Variants in PTPRD observed in about 807,000 individuals in gnomAD.
PTPRD encodes the protein receptor-type tyrosine-protein phosphatase delta.
PTPRD carries 34 observed loss-of-function variants against 214.5 expected under a neutral mutation model. The ratio of observed to expected loss-of-function variants is 0.16; its 90% CI spans 0.12 to 0.21. The LOEUF (loss-of-function observed/expected upper bound fraction) is 0.21, where lower values mean the gene tolerates loss of function less well. Ranked by LOEUF, PTPRD falls within the 10% of genes least tolerant of loss-of-function variation. PTPRD has a pLI of 1.00. For missense variants in PTPRD, 2,545 were observed against 2,398.7 expected (o/e 1.06, Z -1.27); for synonymous variants, 1,128 against 845.7 (o/e 1.33, Z -5.79).
chr9:9,209,882 C>T (rs1195916673), intron 9 of PTPRD, among the ~76,000 whole-genome samples: 1 of 152,070 alleles, frequency 6.6e-6, no homozygotes, highest in African/African-American at 2.4e-5. Flanking sequence ...ATACAAAGGA[C>T]TTTATTACTC....
At chr9:10,549,952 T>C (rs1192257141) in intron 2 of PTPRD, among the ~76,000 whole-genome samples, 1 of 152,198 alleles carries the variant, frequency 6.6e-6, no homozygotes, top group Admixed American at 6.5e-5. Flanking sequence ...TCCTCATCTT[T>C]CCTTTAAGCA....
intron 12 of PTPRD, among the ~76,000 whole-genome samples, chr9:8,714,792 C>T (rs1207191130): frequency 6.6e-6 from 1 of 152,204 alleles, no homozygotes; most frequent in African/African-American, 2.4e-5. Context: ...TCCTGATTTC[C>T]CTTACTCTGG....
At position 8,996,665 on chromosome 9, in the gene PTPRD, C is replaced by A. The variant is rs369445054; in HGVS notation, c.-104+22032G>T. Among the ~76,000 whole-genome samples the A allele has an allele frequency of 3.3e-5, 5 of 152,042 alleles. No homozygotes were observed. In the East Asian group the frequency reaches 9.7e-4, roughly 29 times the overall value. On this transcript the variant is annotated intron_variant, in intron 11 of 45. Coordinates refer to ENST00000381196, the MANE Select transcript of PTPRD (RefSeq NM_002839.4). ...GAGGGCCTGTTCCTCTCAGACAGCACCTTCTGGCTATGTCCTCACATGGCA... is the reference window on the plus strand; with the variant it reads ...GAGGGCCTGTTCCTCTCAGACAGCAACTTCTGGCTATGTCCTCACATGGCA...
At chr9:10,398,531 C>T (rs887110997) in intron 2 of PTPRD, among the ~76,000 whole-genome samples, 6 of 151,892 alleles carry the variant, frequency 4.0e-5, no homozygotes, top group African/African-American at 1.4e-4. Context: ...CTGAAGACTT[C>T]CAAACTTTAT....
chr9:8,619,563 T>C (rs1209630163), intron 14 of PTPRD, among the ~76,000 whole-genome samples: 1 of 152,070 alleles, frequency 6.6e-6, no homozygotes, highest in Non-Finnish European at 1.5e-5. Flanking sequence ...CTTTCAGTGA[T>C]AACTATGTCT....
At chr9:9,857,033 G>C (rs910053049) in intron 5 of PTPRD, among the ~76,000 whole-genome samples, 2 of 152,298 alleles carry the variant, frequency 1.3e-5, no homozygotes, top group Non-Finnish European at 2.9e-5. Context: ...CTTGGAAGTA[G>C]GCACTTTGGT....
intron 2 of PTPRD, among the ~76,000 whole-genome samples, chr9:10,399,030 T>C (rs151321973): frequency 6.6e-6 from 1 of 152,100 alleles, no homozygotes; most frequent in East Asian, 2.0e-4. Context: ...TGATTTCTCT[T>C]CTGTAGGGTC....
At chr9:9,079,375 A>C (rs749556582) in intron 10 of PTPRD, among the ~76,000 whole-genome samples, 1 of 152,086 alleles carries the variant, frequency 6.6e-6, no homozygotes, top group Non-Finnish European at 1.5e-5. Flanking sequence ...CATACATGAC[A>C]GGATTTTATT....
chr9:9,364,656 G>A (rs1446377544), intron 9 of PTPRD, among the ~76,000 whole-genome samples: 1 of 151,360 alleles, frequency 6.6e-6, no homozygotes, highest in African/African-American at 2.4e-5. Context: ...GGAGGCAATG[G>A]AGGGAGAAAG....
chr9:9,030,561 A>G lies in PTPRD; in HGVS notation c.-142-11826T>C, dbSNP rs535619649. Reference sequence around the variant, plus strand: ...ACTGCTTAAAATATACCATGCATAAAGGAAACAGAGCCAATAGAGAAAGAT... The same window carrying G: ...ACTGCTTAAAATATACCATGCATAAGGGAAACAGAGCCAATAGAGAAAGAT... On this transcript the variant is annotated intron_variant, in intron 10 of 45. Transcript: ENST00000381196. 3.3e-5 allele frequency among the ~76,000 whole-genome samples: 5 copies of G among 151,900 alleles called. No individual in the cohort carries two copies. The East Asian group carries it at 7.8e-4, about 24-fold the overall frequency.
At chr9:10,604,248 T>A (rs1182831200) in intron 2 of PTPRD, among the ~76,000 whole-genome samples, 3 of 151,856 alleles carry the variant, frequency 2.0e-5, no homozygotes. Context: ...CAAAGCATTC[T>A]TGAATATGGC....
At chr9:9,496,992 T>C (rs941354163) in intron 8 of PTPRD, among the ~76,000 whole-genome samples, 6 of 152,052 alleles carry the variant, frequency 3.9e-5, no homozygotes, top group Admixed American at 1.3e-4. Context: ...AAGCCAGTCA[T>C]AAAAAAAGAC....
chr9:8,843,440 G>C (rs1176368138), intron 11 of PTPRD, among the ~76,000 whole-genome samples: 2 of 152,130 alleles, frequency 1.3e-5, no homozygotes, highest in African/African-American at 4.8e-5. Context: ...AAGATCAAAT[G>C]ATGTTTCAGA....
chr9:9,602,940 AT>A (rs1183126813), intron 7 of PTPRD, among the ~76,000 whole-genome samples: 1 of 152,078 alleles, frequency 6.6e-6, no homozygotes, highest in African/African-American at 2.4e-5. Context: ...GGATAAAATT[AT>A]TTTTTTAAGA....
At chr9:8,593,035 A>G (rs1999850) in intron 14 of PTPRD, among the ~76,000 whole-genome samples, 25,126 of 152,192 alleles carry the variant, frequency 0.17, 2,393 homozygotes, top group South Asian at 0.28. Context: ...AGGAAGAAAT[A>G]GGGGAACAGC....
At chr9:9,969,610 G>A (rs2094951260) in intron 4 of PTPRD, among the ~76,000 whole-genome samples, 1 of 152,162 alleles carries the variant, frequency 6.6e-6, no homozygotes, top group African/African-American at 2.4e-5. Flanking sequence ...CACAGAATGA[G>A]ATCAAAGAAC....
chr9:10,489,348 T>G (rs1048505376), intron 2 of PTPRD, among the ~76,000 whole-genome samples: 3 of 152,122 alleles, frequency 2.0e-5, no homozygotes, highest in African/African-American at 7.2e-5. Flanking sequence ...AACAAAGTCT[T>G]CACCACCTTT....
chr9:9,263,366 A>T (rs572282141), intron 9 of PTPRD, among the ~76,000 whole-genome samples: 13 of 151,826 alleles, frequency 8.6e-5, no homozygotes, highest in African/African-American at 3.1e-4. Flanking sequence ...CATTCATCAA[A>T]GCACCTTCTC....
chr9:9,142,117 C>G (rs1343262944), intron 10 of PTPRD, among the ~76,000 whole-genome samples: 1 of 152,342 alleles, frequency 6.6e-6, no homozygotes, highest in South Asian at 2.1e-4. Context: ...ATCTGCAGTT[C>G]TGCAAAACAA....
Sources: allele counts gnomAD v4.1 joint callset (sites outside exome capture counted in the v4.1 genomes callset), GRCh38; gene constraint gnomAD v4.1.1; transcripts MANE v1.5; gene names NCBI Gene and HGNC (gene_info 2026-07-23, HGNC 2026-07-21).